CELF2: variants seen among roughly 807,000 people sequenced by gnomAD.
The protein encoded by CELF2 is CUGBP Elav-like family member 2, also known as CUG triplet repeat RNA-binding protein 2.
A neutral mutation model predicts 62.6 loss-of-function variants in CELF2; 8 were observed. The observed-to-expected ratio is 0.13, with a 90% confidence interval of 0.07 to 0.23. The LOEUF (loss-of-function observed/expected upper bound fraction) is 0.23, where lower values mean the gene tolerates loss of function less well. CELF2 is among the 10% of genes least tolerant of loss of function. The pLI is 1.00. For missense variants in CELF2, 333 were observed against 671.0 expected (o/e 0.50, Z 5.56); for synonymous variants, 258 against 250.0 (o/e 1.03, Z -0.30).
At chr10:10,506,753 T>C in the CELF2 span, among the ~76,000 whole-genome samples, 2 of 136,692 alleles carry the variant, frequency 1.5e-5, no homozygotes, top group Non-Finnish European at 3.0e-5. Flanking sequence ...CTTGGCTCAC[T>C]GCAACCTCTA....
At chr10:11,032,397 C>T (rs1018443463) in intron 1 of CELF2, among the ~76,000 whole-genome samples, 4 of 151,990 alleles carry the variant, frequency 2.6e-5, no homozygotes, top group Non-Finnish European at 5.9e-5. Flanking sequence ...GTGGGGGAAT[C>T]GCTTGAGGCC....
In CELF2 at chr10:11,214,308, AAACT is replaced by A. The variant is rs751746936; in HGVS notation, c.272-3110_272-3107del. ...AAAATAAATAAATTTTTTAATGATG[AAACT>A]AACTAAGGTACTGAGGAGGTAAGAT... On this transcript the variant is annotated intron_variant, in intron 2 of 12. Transcript: ENST00000633077. This position sits in a 1 kb window ranked among gnomAD's most constrained non-coding sequence, Gnocchi z 4.2. Among the ~76,000 whole-genome samples, 30 of 152,318 alleles carry A rather than the reference AAACT, an allele frequency of 2.0e-4. No homozygotes were observed. Among genetic ancestry groups the A allele is most frequent in the Non-Finnish European group, 3.4e-4 (23 of 68,030 alleles).
chr10:10,894,054 T>A (rs1489606136), intron 1 of CELF2, among the ~76,000 whole-genome samples: 1 of 151,712 alleles, frequency 6.6e-6, no homozygotes, highest in Non-Finnish European at 1.5e-5. Flanking sequence ...TGAATGTGAG[T>A]CAGAAGCTTA....
intron 1 of CELF2, among the ~76,000 whole-genome samples, chr10:11,095,666 G>C (rs1296144472): frequency 6.6e-6 from 1 of 152,196 alleles, no homozygotes; most frequent in Non-Finnish European, 1.5e-5. Flanking sequence ...ACTTGAAAGA[G>C]GTTGTGGTAG....
rs550394711 is a variant in CELF2, at chr10:11,018,042, C to G, written c.-48C>G. 9.4e-6 allele frequency: 12 copies of G among 1,272,332 alleles called. No individual in the cohort carries two copies. In the South Asian group the frequency reaches 1.9e-4, roughly 20 times the overall value. 78.8% of individuals were successfully genotyped at this position (1,272,332 alleles called of 1,614,324 possible). A position where few individuals can be genotyped will look rare whatever the true frequency, so the allele number is the denominator to read the frequency against. ...CTCGCGCCGCCCGCGGCCGCTCGGA[C>G]GCGCGCAGAGCCGCCCCCCGCCGCT... On this transcript the variant is annotated 5_prime_UTR_variant, in exon 1 of 13. Transcript: ENST00000633077.
At chr10:10,646,893 C>T in the CELF2 span, among the ~76,000 whole-genome samples, 32 of 152,302 alleles carry the variant, frequency 2.1e-4, no homozygotes, top group Admixed American at 9.2e-4. Context: ...GTTTGCCCCA[C>T]GCTAATGATC....
the CELF2 span, among the ~76,000 whole-genome samples, chr10:10,524,062 A>T: frequency 1.3e-5 from 2 of 152,194 alleles, no homozygotes; most frequent in Non-Finnish European, 2.9e-5. Flanking sequence ...TTGTGCCCAG[A>T]GATACGTAAG....
chr10:10,814,345 C>T lies in CELF2; in HGVS notation c.53+15528C>T, dbSNP rs540180412. ...TTCAGAAGAAAGAGAACTTGACTCT[C>T]TTTGTCTTGGTCTGTATCCATGATT... On this transcript the variant is annotated intron_variant, in intron 1 of 13. Transcript: ENST00000636488. Among the ~76,000 whole-genome samples the T allele has an allele frequency of 4.0e-5, 6 of 151,354 alleles. No homozygotes were observed. In the East Asian group the frequency reaches 1.2e-3, roughly 30 times the overall value.
chr10:10,669,729 C>T, the CELF2 span, among the ~76,000 whole-genome samples: 10 of 152,122 alleles, frequency 6.6e-5, no homozygotes, highest in South Asian at 2.1e-4. Context: ...ACACTGCTAA[C>T]GCTCCCTCTT....
At chr10:11,256,946 C>T (rs1036161603) in intron 4 of CELF2, among the ~76,000 whole-genome samples, 1 of 151,920 alleles carries the variant, frequency 6.6e-6, no homozygotes, top group Non-Finnish European at 1.5e-5. Flanking sequence ...GTATTGTTTC[C>T]TTCTTGATCA....
the CELF2 span, among the ~76,000 whole-genome samples, chr10:10,631,112 C>T: frequency 6.6e-6 from 1 of 152,178 alleles, no homozygotes; most frequent in Non-Finnish European, 1.5e-5. Context: ...TTCAAACGTA[C>T]TGATCATGTT....
rs1033996704 is a variant in CELF2, at chr10:11,157,392, C to A, written c.75-8094C>A. 8.6e-6 allele frequency among the ~76,000 whole-genome samples: 1 copy of A among 116,694 alleles called. No individual in the cohort carries two copies. Among genetic ancestry groups the A allele is most frequent in the Admixed American group, 9.5e-5 (1 of 10,494 alleles). The allele number at this position is 116,694 out of a possible 152,430, so 76.6% of individuals were successfully genotyped here. A position where few individuals can be genotyped will look rare whatever the true frequency, so the allele number is the denominator to read the frequency against. On this transcript the variant is annotated intron_variant, in intron 1 of 12. Coordinates refer to ENST00000633077, the MANE Select transcript of CELF2 (RefSeq NM_001326342.2). The surrounding 1 kb of genome is among the most constrained non-coding windows in gnomAD (Gnocchi z 4.9). ...TTTGACTTTGATATCCGCCCTCCCC[C>A]CACACACACACACACAAAAATTTCA... is the stretch of plus-strand genomic sequence containing the variant.
the CELF2 span, among the ~76,000 whole-genome samples, chr10:10,504,073 A>G: frequency 6.6e-6 from 1 of 152,098 alleles, no homozygotes; most frequent in Non-Finnish European, 1.5e-5. Flanking sequence ...TTCACTATAT[A>G]CATTTAGATA....
chr10:10,830,697 A>T (rs556488741), intron 1 of CELF2, among the ~76,000 whole-genome samples: 2 of 150,404 alleles, frequency 1.3e-5, no homozygotes, highest in African/African-American at 2.4e-5. Context: ...TATTTCTTTT[A>T]TTTTTTTTTT....
chr10:10,659,330 A>G, the CELF2 span, among the ~76,000 whole-genome samples: 1 of 152,188 alleles, frequency 6.6e-6, no homozygotes, highest in Non-Finnish European at 1.5e-5. Flanking sequence ...TTAATAAAAT[A>G]TTTATGTTAT....
At chr10:10,775,939 C>A in the CELF2 span, among the ~76,000 whole-genome samples, 1 of 152,188 alleles carries the variant, frequency 6.6e-6, no homozygotes, top group African/African-American at 2.4e-5. Context: ...TGGATTTCTC[C>A]ACTGCACCCT....
intron 2 of CELF2, among the ~76,000 whole-genome samples, chr10:10,943,691 C>T (rs984387516): frequency 1.1e-4 from 17 of 152,038 alleles, no homozygotes; most frequent in African/African-American, 3.1e-4. Context: ...CTCTGCTTCT[C>T]GGGTTCCAGC....
At chr10:10,537,663 C>T in the CELF2 span, among the ~76,000 whole-genome samples, 1 of 152,080 alleles carries the variant, frequency 6.6e-6, no homozygotes, top group African/African-American at 2.4e-5. Context: ...TGCCACTCAG[C>T]CACTGGCCCA....
chr10:10,475,413 G>T, the CELF2 span, among the ~76,000 whole-genome samples: 2 of 151,364 alleles, frequency 1.3e-5, no homozygotes, highest in Admixed American at 6.6e-5. Flanking sequence ...AACTGGTGAA[G>T]GTACTGACTT....
Sources: gnomAD v4.1 joint callset for allele counts (sites outside exome capture counted in the v4.1 genomes callset) on GRCh38, gnomAD v4.1.1 for gene constraint, Gnocchi (gnomAD v3.1) non-coding constraint, MANE v1.5 for transcripts, NCBI Gene and HGNC (gene_info 2026-07-23, HGNC 2026-07-21) for gene names.